Variants in NRXN1 observed in about 807,000 individuals in gnomAD.
NRXN1 encodes the protein neurexin-1.
Under a neutral mutation model 150.9 loss-of-function variants are expected in NRXN1, and 39 were observed. The observed-to-expected ratio is 0.26, with a 90% CI of 0.20 to 0.34. The LOEUF (loss-of-function observed/expected upper bound fraction) is 0.34. NRXN1 is among the 10% of genes least tolerant of loss of function. NRXN1 has a pLI of 1.00. For synonymous variants in NRXN1, 924 were observed against 757.0 expected (o/e 1.22, Z -3.62); for missense variants, 1,815 against 1,949.9 (o/e 0.93, Z 1.30).
chr2:50,982,636 C>G (rs1050729056), intron 2 of NRXN1, among the ~76,000 whole-genome samples: 1 of 152,032 alleles, frequency 6.6e-6, no homozygotes, highest in Non-Finnish European at 1.5e-5. Flanking sequence ...AATAAGGCAC[C>G]ATTTGGCATA....
At chr2:50,199,869 A>G (rs1574458684) in intron 18 of NRXN1, among the ~76,000 whole-genome samples, 1 of 152,148 alleles carries the variant, frequency 6.6e-6, no homozygotes. Context: ...AATTTCATAA[A>G]ACAAAAGTGG....
At chr2:50,060,124 T>C (rs1558790859) in intron 19 of NRXN1, among the ~76,000 whole-genome samples, 1 of 152,052 alleles carries the variant, frequency 6.6e-6, no homozygotes, top group Non-Finnish European at 1.5e-5. Context: ...CATCAGCCCA[T>C]GAAAGCAGCC....
intron 5 of NRXN1, among the ~76,000 whole-genome samples, chr2:50,735,376 G>A (rs538429475): frequency 2.6e-5 from 4 of 151,840 alleles, no homozygotes; most frequent in Admixed American, 6.6e-5. Flanking sequence ...GTAATGAAAC[G>A]TACCAAGAAC....
chr2:50,046,127 T>A (rs1415773011), intron 21 of NRXN1, among the ~76,000 whole-genome samples: 1 of 152,120 alleles, frequency 6.6e-6, no homozygotes, highest in Non-Finnish European at 1.5e-5. Flanking sequence ...CAACAATAAT[T>A]TGAAGTTGGT....
chr2:50,581,214 T>C (rs1023150796), intron 8 of NRXN1, among the ~76,000 whole-genome samples: 2 of 152,194 alleles, frequency 1.3e-5, no homozygotes, highest in African/African-American at 2.4e-5. Context: ...CTCAAACATA[T>C]ATGCTGAATG....
chr2:50,636,157 G>GA (rs948304951), intron 5 of NRXN1, among the ~76,000 whole-genome samples: 23 of 151,900 alleles, frequency 1.5e-4, no homozygotes, highest in African/African-American at 4.1e-4. Flanking sequence ...ATTGTAAATA[G>GA]AAAAAAAATA....
At chr2:50,643,728 G>T (rs915092738) in intron 5 of NRXN1, among the ~76,000 whole-genome samples, 1 of 151,672 alleles carries the variant, frequency 6.6e-6, no homozygotes, top group Non-Finnish European at 1.5e-5. Flanking sequence ...TCGATTTCTA[G>T]ACTCCATTTT....
chr2:50,720,546 T>C (rs565661713), intron 5 of NRXN1, among the ~76,000 whole-genome samples: 1 of 152,198 alleles, frequency 6.6e-6, no homozygotes, highest in Non-Finnish European at 1.5e-5. Flanking sequence ...GGTATTTGCA[T>C]TCCTATCTAC....
chr2:50,924,495 G>A (rs1045949729), intron 3 of NRXN1, among the ~76,000 whole-genome samples: 14 of 151,518 alleles, frequency 9.2e-5, no homozygotes, highest in African/African-American at 3.4e-4. Flanking sequence ...GCATTTCACA[G>A]GATGGATAAG....
intron 17 of NRXN1, among the ~76,000 whole-genome samples, chr2:50,281,981 G>A (rs1169432561): frequency 2.0e-5 from 3 of 152,054 alleles, no homozygotes; most frequent in African/African-American, 7.3e-5. Context: ...TAATTCCATT[G>A]TTACCATAAA....
chr2:50,682,987 A>G (rs1467202393), intron 5 of NRXN1, among the ~76,000 whole-genome samples: 1 of 152,028 alleles, frequency 6.6e-6, no homozygotes, highest in Non-Finnish European at 1.5e-5. Flanking sequence ...TTCTGTAACT[A>G]CACATATACT....
chr2:50,356,335 C>G (rs1462201633), intron 17 of NRXN1, among the ~76,000 whole-genome samples: 1 of 152,084 alleles, frequency 6.6e-6, no homozygotes, highest in East Asian at 1.9e-4. Flanking sequence ...TCCAATAGTT[C>G]AAGTCTCTTA....
At chr2:50,963,759 G>A (rs767545809) in intron 2 of NRXN1, among the ~76,000 whole-genome samples, 1 of 151,616 alleles carries the variant, frequency 6.6e-6, no homozygotes, top group Non-Finnish European at 1.5e-5. Context: ...CCTCTATTCT[G>A]TTCATGAAGA....
intron 19 of NRXN1, among the ~76,000 whole-genome samples, chr2:50,078,480 A>G (rs542749497): frequency 3.9e-5 from 6 of 152,204 alleles, no homozygotes; most frequent in African/African-American, 1.4e-4. Flanking sequence ...CAAGAAAGTA[A>G]CACTGATAAT....
intron 8 of NRXN1, among the ~76,000 whole-genome samples, chr2:50,566,481 A>C (rs12713109): frequency 0.41 from 60,387 of 148,924 alleles, 14,859 homozygotes; most frequent in African/African-American, 0.69. Context: ...TCTGAAATGC[A>C]TGACCTCTGG....
At chr2:50,671,547 ATTTTTGCTTATTGCATGCAC>A (rs1427611777) in intron 5 of NRXN1, among the ~76,000 whole-genome samples, 1 of 151,740 alleles carries the variant, frequency 6.6e-6, no homozygotes, top group African/African-American at 2.4e-5. Flanking sequence ...AGATAAATCA[ATTTTTGCTTATTGCATGCAC>A]TTTTTATAAC....
chr2:50,265,999 T>TTATTA (rs1484638196), intron 17 of NRXN1, among the ~76,000 whole-genome samples: 4 of 46,828 alleles, frequency 8.5e-5, no homozygotes, highest in African/African-American at 3.8e-4. Flanking sequence ...ATTATTATTA[T>TTATTA]TTATTTTTTT....
chr2:50,381,572 C>CAG (rs1250727282), intron 17 of NRXN1, among the ~76,000 whole-genome samples: 7 of 135,336 alleles, frequency 5.2e-5, no homozygotes, highest in African/African-American at 2.0e-4. Context: ...CACACACACA[C>CAG]AATCTGCTTT....
intron 17 of NRXN1, among the ~76,000 whole-genome samples, chr2:50,387,175 T>C (rs756151065): frequency 3.3e-5 from 5 of 152,228 alleles, no homozygotes; most frequent in South Asian, 2.1e-4. Context: ...AATAAAACAA[T>C]AGACTTTCAG....
Sources: gnomAD v4.1 joint callset for allele counts (sites outside exome capture counted in the v4.1 genomes callset) on GRCh38, gnomAD v4.1.1 for gene constraint, MANE v1.5 for transcripts, NCBI Gene and HGNC (gene_info 2026-07-23, HGNC 2026-07-21) for gene names.